SLFN11: variants seen among roughly 807,000 people sequenced by gnomAD.
SLFN11 encodes schlafen family member 11.
Under a neutral mutation model 53.4 loss-of-function variants are expected in SLFN11, and 43 were observed. That is an observed-to-expected ratio of 0.80 (90% CI 0.63 to 1.04). The LOEUF is 1.04. SLFN11 is among the 50% of genes least tolerant of loss of function. SLFN11 has a pLI of 0.00. For synonymous variants in SLFN11, 389 were observed against 394.7 expected (o/e 0.99, Z 0.17); for missense variants, 990 against 1,079.1 (o/e 0.92, Z 1.16).
Position 35,353,851 on chromosome 17 carries a change from G to A in SLFN11, c.1407C>T (p.Thr469=), listed in dbSNP as rs1321580067. The A allele has an allele frequency of 5.6e-6, 9 of 1,605,020 alleles. No homozygotes were observed. The highest frequency in any genetic ancestry group is 2.2e-5 in the East Asian group (1 of 44,802). ...CDALLIAQNS[T]PILYTILREQ... ...CCCTGAGAATGGTGTAGAGAATGGG[G>A]GTGCTGTTCTGTGCTATCAGCAGAG... Residue 469 remains threonine, a synonymous_variant, in exon 6 of 7, where the codon ACC becomes ACT. Transcript: ENST00000685675.
chr17:35,369,899 G>C (rs1469122758), intron 1 of SLFN11, among the ~76,000 whole-genome samples: 1 of 152,012 alleles, frequency 6.6e-6, no homozygotes, highest in Non-Finnish European at 1.5e-5. Flanking sequence ...AAAAGTCTGG[G>C]ACCCGATGGC....
At chr17:35,361,761 T>C (rs1047741599) in intron 4 of SLFN11, among the ~76,000 whole-genome samples, 19 of 152,140 alleles carry the variant, frequency 1.2e-4, no homozygotes, top group African/African-American at 4.6e-4. Context: ...GCTTTTTTTT[T>C]TGAGACAGAG....
chr17:35,368,477 C>G (rs1363013282), intron 1 of SLFN11, among the ~76,000 whole-genome samples: 1 of 152,098 alleles, frequency 6.6e-6, no homozygotes, highest in Non-Finnish European at 1.5e-5. Flanking sequence ...ATTGTCCATC[C>G]CAGCAGTTGA....
chr17:35,353,301 A>C, intron 6 of SLFN11, 35 bp downstream of exon 6: 1 of 1,613,462 alleles, frequency 6.2e-7, no homozygotes, highest in Non-Finnish European at 8.5e-7. Context: ...ACCCAGATTA[A>C]ATAATACTTA....
At chr17:35,357,091 C>T (rs552833542) in intron 5 of SLFN11, among the ~76,000 whole-genome samples, 24 of 150,834 alleles carry the variant, frequency 1.6e-4, no homozygotes, top group African/African-American at 5.6e-4. Context: ...TGTTTCAAAG[C>T]TGTATGAATT....
chr17:35,357,592 G>T (rs1907676636), intron 5 of SLFN11, among the ~76,000 whole-genome samples: 1 of 150,506 alleles, frequency 6.6e-6, no homozygotes, highest in Non-Finnish European at 1.5e-5. Context: ...TACTTGCAAG[G>T]CCAGTTTCAT....
Position 35,352,425 on chromosome 17 carries a change from G to T in SLFN11, c.2637C>A (p.Pro879=). Residue 879 remains proline (P), a synonymous_variant, in exon 7 of 7, where the codon CCC becomes CCA. Transcript: ENST00000685675. ...HPRTADPAIL[P]NVLICLASRA... ...TGGAAGCCAGACAGATCAGAACATTGGGTAAGATAGCTGGGTCAGCTGTCC... is the reference window on the plus strand; with the variant it reads ...TGGAAGCCAGACAGATCAGAACATTTGGTAAGATAGCTGGGTCAGCTGTCC... 6.2e-7 allele frequency: 1 copy of T among 1,614,170 alleles called. No homozygotes were observed. The highest frequency in any genetic ancestry group is 1.6e-4 in the Middle Eastern group (1 of 6,062).
Position 35,352,458 on chromosome 17 carries a change from G to T in SLFN11, c.2604C>A (p.Ile868=). 1 of 1,614,166 alleles carries T rather than the reference G, an allele frequency of 6.2e-7. No homozygotes were observed. Among genetic ancestry groups the T allele is most frequent in the Non-Finnish European group, 8.5e-7 (1 of 1,180,030 alleles). The change falls in exon 7 of 7, where the codon ATC becomes ATA. Residue 868 remains isoleucine, a synonymous_variant. Coordinates refer to ENST00000685675, the MANE Select transcript of SLFN11 (RefSeq NM_001376007.1). The stretch of plus-strand genomic sequence containing the variant: ...TAGCTGGGTCAGCTGTCCTTGGATG[G>T]ATCCCAAACACTATGCTCCTTTCCA... ...SGLERSIVFG[I]HPRTADPAIL...
At position 35,352,750 on chromosome 17, in the gene SLFN11, T is replaced by C. The variant is rs2141921310; in HGVS notation, c.2312A>G (p.Gln771Arg). ...AATTCGTAAGGTTCCCTGAACACCC[T>C]GGGACCATTCGGCTTCAGGAAATAC... ...LEVFPEAEWS[Q>R]GVQGTLRIKK... The change falls in exon 7 of 7, where the codon CAG (glutamine) becomes CGG (arginine). Residue 771 changes from glutamine to arginine, a missense_variant. Gln to Arg is a conservative substitution (Grantham distance 43, BLOSUM62 1). Transcript: ENST00000685675. The C allele has an allele frequency of 6.2e-7, 1 of 1,614,242 alleles. No homozygotes were observed. Among genetic ancestry groups the C allele is most frequent in the East Asian group, 2.2e-5 (1 of 44,888 alleles).
At chr17:35,371,248 T>C (rs1344280244) in intron 1 of SLFN11, among the ~76,000 whole-genome samples, 2 of 152,106 alleles carry the variant, frequency 1.3e-5, no homozygotes, top group African/African-American at 4.8e-5. Flanking sequence ...TAAATGGCAC[T>C]GGGAAAACTG....
intron 4 of SLFN11, among the ~76,000 whole-genome samples, chr17:35,362,329 G>C (rs1220051269): frequency 6.6e-6 from 1 of 152,172 alleles, no homozygotes; most frequent in East Asian, 1.9e-4. Flanking sequence ...TGGTGAGTTT[G>C]AATTTATTAC....
intron 1 of SLFN11, among the ~76,000 whole-genome samples, chr17:35,370,412 A>G (rs1270490551): frequency 6.6e-6 from 1 of 152,108 alleles, no homozygotes; most frequent in Non-Finnish European, 1.5e-5. Context: ...TTCCTCTAAG[A>G]TCTGGAACAC....
chr17:35,358,893 C>T (rs1907849326), intron 5 of SLFN11, among the ~76,000 whole-genome samples: 1 of 151,838 alleles, frequency 6.6e-6, no homozygotes, highest in African/African-American at 2.4e-5. Flanking sequence ...TAGCTCATGC[C>T]TATAGTCTTA....
chr17:35,357,465 C>A (rs1244846436), intron 5 of SLFN11, among the ~76,000 whole-genome samples: 2 of 151,334 alleles, frequency 1.3e-5, no homozygotes, highest in African/African-American at 2.4e-5. Context: ...GTTTTAAATT[C>A]TTGATCCATT....
intron 1 of SLFN11, among the ~76,000 whole-genome samples, chr17:35,371,060 C>T (rs761753680): frequency 2.6e-5 from 4 of 152,026 alleles, no homozygotes; most frequent in Non-Finnish European, 5.9e-5. Context: ...CATTACCTGA[C>T]CTCAAATTAT....
At position 35,360,275 on chromosome 17, in the gene SLFN11, T is replaced by C. The variant is rs780528484; in HGVS notation, c.1166A>G (p.His389Arg). ...TAAAAGTTGCTGGAGTTCCTTTTTA[T>C]GTTCCAGGCCTTTCTTGGAGTACAC... ...RPVYSKKGLE[H>R]KKELQQLLFS... Residue 389 changes from histidine (H) to arginine (R), a missense_variant, in exon 5 of 7, where the codon CAT becomes CGT. This residue lies in a region of SLFN11 where 521 missense variants were observed against 516.2 expected (regional missense o/e 1.01). Transcript: ENST00000685675. 2.4e-5 allele frequency: 38 copies of C among 1,611,136 alleles called. No individual in the cohort carries two copies. The highest frequency in any genetic ancestry group is 3.3e-5 in the South Asian group (3 of 90,500).
chr17:35,351,199 A>G lies in SLFN11; in HGVS notation c.*1157T>C, dbSNP rs969135857. 6.6e-6 allele frequency: 1 copy of G among 152,274 alleles called. No homozygotes were observed. The highest frequency in any genetic ancestry group is 2.4e-5 in the African/African-American group (1 of 41,436). The allele number at this position is 152,274 out of a possible 1,614,324, so 9.4% of individuals were successfully genotyped here. A position where few individuals can be genotyped will look rare whatever the true frequency, so the allele number is the denominator to read the frequency against. Reference sequence around the variant, plus strand: ...GGCTGCCATCTCTCTGTGTGCTCCCATGCCCTCTTGTTTGCATGCACAGGG... The same window carrying G: ...GGCTGCCATCTCTCTGTGTGCTCCCGTGCCCTCTTGTTTGCATGCACAGGG... On this transcript the variant is annotated 3_prime_UTR_variant, in exon 7 of 7. Transcript: ENST00000685675.
rs559948602 is a variant in SLFN11, at chr17:35,371,848, G to A, written c.-235+1626C>T. On this transcript the variant is annotated intron_variant, in intron 1 of 6. Transcript: ENST00000685675. ...AACGCTGGCAAGGATGTGAAGAAAA[G>A]GGAACCCTCAAACAGTGTTGGTGGG... Among the ~76,000 whole-genome samples, 35 of 152,150 alleles carry A rather than the reference G, an allele frequency of 2.3e-4. 1 individual carries two copies. The highest frequency in any genetic ancestry group is 1.0e-4 in the Non-Finnish European group (7 of 67,986).
Position 35,354,057 on chromosome 17 carries a change from G to A in SLFN11, c.1201C>T (p.Pro401Ser). 1 of 1,589,486 alleles carries A rather than the reference G, an allele frequency of 6.3e-7. No individual in the cohort carries two copies. Residue 401 changes from proline to serine, a missense_variant and splice_region_variant, in exon 6 of 7, where the codon CCA (proline) becomes TCA (serine). This residue lies in a region of SLFN11 where 521 missense variants were observed against 516.2 expected (regional missense o/e 1.01). Transcript: ENST00000685675. ...KELQQLLFSVPPGYLRYTPES... is the reference protein window; with the variant it reads ...KELQQLLFSVSPGYLRYTPES... ...GGAGTATATCGCAAATATCCTGGTG[G>A]GACTGTATGTGAAAAGAATGATAAA...
Sources: gnomAD v4.1 joint callset for allele counts (sites outside exome capture counted in the v4.1 genomes callset) on GRCh38, gnomAD v4.1.1 for gene constraint, gnomAD v4.1.1 regional missense constraint, MANE v1.5 for transcripts, NCBI Gene and HGNC (gene_info 2026-07-23, HGNC 2026-07-21) for gene names.